CCSER1: variants seen among roughly 807,000 people sequenced by gnomAD.
The protein encoded by CCSER1 is serine-rich coiled-coil domain-containing protein 1.
Under a neutral mutation model 82.0 loss-of-function variants are expected in CCSER1, and 41 were observed. The observed-to-expected ratio is 0.50, with a 90% CI of 0.39 to 0.65. CCSER1 has a LOEUF of 0.65. Among genes scored for constraint, CCSER1 ranks in the 30% least tolerant of loss-of-function variants. The probability of loss-of-function intolerance (pLI) is 0.00; values close to 1 mark genes in which losing one functional copy is unlikely to be tolerated. For synonymous variants in CCSER1, 414 were observed against 383.9 expected (o/e 1.08, Z -0.92); for missense variants, 1,119 against 1,064.2 (o/e 1.05, Z -0.72).
rs1269499840 is a variant in CCSER1 at position 90,969,388 on chromosome 4, A to G, written c.2172+45941A>G. ...TATGAAAAGTAAAGGACAAAGAAAG[A>G]ATTTTGAAAATAGCAAGACAAAAGC... On this transcript the variant is annotated intron_variant, in intron 9 of 10. Coordinates refer to ENST00000509176, the MANE Select transcript of CCSER1 (RefSeq NM_001145065.2). Among the ~76,000 whole-genome samples the G allele has an allele frequency of 2.0e-5, 3 of 152,022 alleles. No individual in the cohort carries two copies. The East Asian group carries it at 5.8e-4, about 29-fold the overall frequency.
chr4:90,878,629 A>G lies in CCSER1; in HGVS notation c.2095-44741A>G, dbSNP rs527716343. Reference sequence around the variant, plus strand: ...CCCCTACCCTGAAAATCTTTACACTATAGTTACTTTGATCTCAGCTCTGTG... The same window carrying G: ...CCCCTACCCTGAAAATCTTTACACTGTAGTTACTTTGATCTCAGCTCTGTG... On this transcript the variant is annotated intron_variant, in intron 8 of 10. Coordinates refer to ENST00000509176, the MANE Select transcript of CCSER1 (RefSeq NM_001145065.2). Among the ~76,000 whole-genome samples, 31 of 152,248 alleles carry G rather than the reference A, an allele frequency of 2.0e-4. No homozygotes were observed. In the South Asian group the frequency reaches 3.1e-3, roughly 15 times the overall value.
chr4:90,532,003 G>GTA (rs374729389), intron 5 of CCSER1, among the ~76,000 whole-genome samples: 1,755 of 151,042 alleles, frequency 0.012, 24 homozygotes, highest in African/African-American at 0.031. Context: ...GATTTTAAGA[G>GTA]TATATATATA....
At chr4:91,310,897 A>G (rs760925610) in intron 10 of CCSER1, among the ~76,000 whole-genome samples, 2 of 151,704 alleles carry the variant, frequency 1.3e-5, no homozygotes, top group Non-Finnish European at 2.9e-5. Context: ...AGTGTATTTT[A>G]TGTGTGGTCC....
intron 7 of CCSER1, among the ~76,000 whole-genome samples, chr4:90,756,131 A>G (rs1580325633): frequency 6.6e-6 from 1 of 152,124 alleles, no homozygotes; most frequent in Admixed American, 6.6e-5. Flanking sequence ...AGGAGGCTGA[A>G]GCAGGAGAAT....
At chr4:90,512,016 T>G (rs1304107095) in intron 5 of CCSER1, among the ~76,000 whole-genome samples, 1 of 152,020 alleles carries the variant, frequency 6.6e-6, no homozygotes, top group Admixed American at 6.6e-5. Context: ...TACTGGAGGT[T>G]TGAGAAGAGA....
intron 10 of CCSER1, among the ~76,000 whole-genome samples, chr4:91,196,554 C>A (rs1227447601): frequency 6.6e-6 from 1 of 152,146 alleles, no homozygotes; most frequent in East Asian, 1.9e-4. Context: ...TGACAACCCC[C>A]CTGCCCATAC....
intron 10 of CCSER1, among the ~76,000 whole-genome samples, chr4:91,254,923 T>C (rs1361373550): frequency 6.6e-6 from 1 of 152,128 alleles, no homozygotes; most frequent in African/African-American, 2.4e-5. Context: ...TTTCCTTCTT[T>C]CCCTCAGTCT....
chr4:91,558,421 G>GT (rs958054796), intron 10 of CCSER1, among the ~76,000 whole-genome samples: 9 of 151,472 alleles, frequency 5.9e-5, no homozygotes, highest in South Asian at 2.1e-4. Flanking sequence ...AACAATGTGA[G>GT]TTTTTTTTGT....
At chr4:91,279,768 C>A (rs1041555082) in intron 10 of CCSER1, among the ~76,000 whole-genome samples, 2 of 152,030 alleles carry the variant, frequency 1.3e-5, no homozygotes, top group Non-Finnish European at 2.9e-5. Flanking sequence ...GGAATTGTTG[C>A]TTGAGAATGA....
chr4:90,848,871 T>C (rs751045353), intron 8 of CCSER1, among the ~76,000 whole-genome samples: 6 of 152,246 alleles, frequency 3.9e-5, no homozygotes, highest in Admixed American at 3.9e-4. Flanking sequence ...ACATATATCA[T>C]TTATCACCTT....
At chr4:91,438,060 AC>A (rs1444989926) in intron 10 of CCSER1, among the ~76,000 whole-genome samples, 87 of 152,292 alleles carry the variant, frequency 5.7e-4, no homozygotes, top group African/African-American at 2.1e-3. Context: ...CAGGGCACAG[AC>A]AAACAAAAAG....
chr4:91,047,998 G>T (rs1292347266), intron 9 of CCSER1, among the ~76,000 whole-genome samples: 1 of 151,636 alleles, frequency 6.6e-6, no homozygotes, highest in South Asian at 2.1e-4. Flanking sequence ...ATTTATTGTC[G>T]TATAAACTCC....
chr4:91,582,594 A>G (rs570364003), intron 10 of CCSER1, among the ~76,000 whole-genome samples: 26 of 151,518 alleles, frequency 1.7e-4, no homozygotes, highest in South Asian at 2.1e-4. Context: ...GTCAGATTTA[A>G]CTATTATCCA....
chr4:90,879,985 T>C (rs1230063765), intron 8 of CCSER1, among the ~76,000 whole-genome samples: 1 of 152,190 alleles, frequency 6.6e-6, no homozygotes, highest in East Asian at 1.9e-4. Context: ...TGGAAGAAAG[T>C]ATGCTAGCAA....
Position 90,582,221 on chromosome 4 carries a change from A to C in CCSER1, c.1725-45804A>C, listed in dbSNP as rs568661289. Among the ~76,000 whole-genome samples, 44 of 152,284 alleles carry C rather than the reference A, an allele frequency of 2.9e-4. 1 individual carries two copies. In the South Asian group the frequency reaches 8.7e-3, roughly 30 times the overall value. On this transcript the variant is annotated intron_variant, in intron 5 of 10. Coordinates refer to ENST00000509176, the MANE Select transcript of CCSER1 (RefSeq NM_001145065.2). The stretch of plus-strand genomic sequence containing the variant: ...AACTTGTATTGTGGCTCAAGGCAGA[A>C]TATTTCGAGGATTCAGAGCTCATTC...
chr4:91,553,583 G>A (rs201336434), intron 10 of CCSER1, among the ~76,000 whole-genome samples: 10,649 of 146,004 alleles, frequency 0.073, 665 homozygotes, highest in South Asian at 0.17. Context: ...TTTTTTTTTT[G>A]TCTTCAGTCT....
At chr4:91,171,880 T>G (rs888366886) in intron 10 of CCSER1, among the ~76,000 whole-genome samples, 1 of 152,152 alleles carries the variant, frequency 6.6e-6, no homozygotes, top group African/African-American at 2.4e-5. Flanking sequence ...ATGCTAATAT[T>G]GTTTTTTATT....
At chr4:91,237,696 T>C (rs756609119) in intron 10 of CCSER1, among the ~76,000 whole-genome samples, 2 of 152,054 alleles carry the variant, frequency 1.3e-5, no homozygotes, top group Middle Eastern at 3.4e-3. Context: ...AAACTCTAGA[T>C]TGGGGAGAGA....
intron 10 of CCSER1, among the ~76,000 whole-genome samples, chr4:91,524,113 C>T (rs1399308701): frequency 1.3e-5 from 2 of 152,160 alleles, no homozygotes; most frequent in Non-Finnish European, 2.9e-5. Context: ...CTGTCATCCA[C>T]TTGGTAATTT....
Sources: gnomAD v4.1 joint callset for allele counts (sites outside exome capture counted in the v4.1 genomes callset) on GRCh38, gnomAD v4.1.1 for gene constraint, MANE v1.5 for transcripts, NCBI Gene and HGNC (gene_info 2026-07-23, HGNC 2026-07-21) for gene names.